The following CCL5 variants were observed in gnomAD, a reference collection of about 807,000 sequenced individuals.
CCL5 encodes C-C motif chemokine ligand 5.
Under a neutral mutation model 9.0 loss-of-function variants are expected in CCL5, and 5 were observed. The observed-to-expected ratio is 0.55, with a 90% CI of 0.29 to 1.16. The LOEUF (loss-of-function observed/expected upper bound fraction) is 1.16. Ranked by LOEUF, CCL5 falls within the 50% of genes most tolerant of loss-of-function variation. The pLI is 0.08. For synonymous variants in CCL5, 66 were observed against 72.0 expected (o/e 0.92, Z 0.42); for missense variants, 183 against 183.2 (o/e 1.00, Z 0.01).
rs1568344719 is a variant in CCL5, at chr17:35,872,336, C to T, written c.399G>A (p.Leu133=). The T allele has an allele frequency of 6.2e-7, 1 of 1,610,414 alleles. No homozygotes were observed. Among genetic ancestry groups the T allele is most frequent in the Non-Finnish European group, 8.5e-7 (1 of 1,177,568 alleles). The change falls in exon 4 of 4, where the codon CTG becomes CTA. Residue 133 remains leucine (L), a synonymous_variant. Transcript: ENST00000651122. The stretch of plus-strand genomic sequence containing the variant: ...AAGCTAGGACAAGAGCAAGCAGAAA[C>T]AGGCAAATTTGTGTAAGTTCAGGTT...
chr17:35,878,677 A>G (rs1420308751), intron 1 of CCL5, 38 bp from the exon 2 acceptor site: 1 of 1,188,626 alleles, frequency 8.4e-7, no homozygotes, highest in Non-Finnish European at 1.2e-6. Context: ...CCTTTTATTC[A>G]TTGCTACTGC....
At chr17:35,880,166 A>T (rs1412615023) in intron 1 of CCL5, 64 bp downstream of exon 1, 2 of 1,294,628 alleles carry the variant, frequency 1.5e-6, no homozygotes, top group African/African-American at 1.5e-5. Flanking sequence ...AGTCATTGGG[A>T]TGGGGTAGGC....
rs758262624 is a variant in CCL5, at chr17:35,878,687, C to A, written c.77-48G>T. The stretch of plus-strand genomic sequence containing the variant: ...GAGACCCTTTTATTCATTGCTACTG[C>A]ACACTTGACATTGTGCTGGACACTT... On this transcript the variant is annotated intron_variant, in intron 1 of 3. Transcript: ENST00000651122. The A allele has an allele frequency of 6.6e-6, 7 of 1,058,274 alleles. No individual in the cohort carries two copies. The South Asian group carries it at 8.3e-5, about 13-fold the overall frequency. The allele number at this position is 1,058,274 out of a possible 1,614,324, so 65.6% of individuals were successfully genotyped here.
At chr17:35,873,332 C>T (rs1016778745) in intron 3 of CCL5, among the ~76,000 whole-genome samples, 3 of 151,998 alleles carry the variant, frequency 2.0e-5, no homozygotes, top group East Asian at 1.9e-4. Flanking sequence ...GGACTATAGG[C>T]GCCCCCCACC....
intron 3 of CCL5, among the ~76,000 whole-genome samples, chr17:35,873,457 GA>G (rs1485370226): frequency 6.6e-6 from 1 of 152,134 alleles, no homozygotes; most frequent in Non-Finnish European, 1.5e-5. Context: ...AAAGTGCTGG[GA>G]TTACAGGCAT....
intron 2 of CCL5, among the ~76,000 whole-genome samples, chr17:35,878,166 C>G (rs1344246810): frequency 6.6e-6 from 1 of 151,562 alleles, no homozygotes; most frequent in South Asian, 2.1e-4. Context: ...ACCTGTAGTC[C>G]CAGCTACTCG....
chr17:35,872,404 C>T lies in CCL5; in HGVS notation c.331G>A (p.Val111Ile), dbSNP rs966329985. ...AGCTCATCTCCAAAGAGTTGATGTACTCCCGAACCCATTTCTTCTCTGGGT... is the reference window on the plus strand; with the variant it reads ...AGCTCATCTCCAAAGAGTTGATGTATTCCCGAACCCATTTCTTCTCTGGGT... Residue 111 changes from valine (V) to isoleucine (I), a missense_variant, in exon 4 of 4, where the codon GTA becomes ATA. Coordinates refer to ENST00000651122, the MANE Select transcript of CCL5 (RefSeq NM_001278736.2). 6.2e-7 allele frequency: 1 copy of T among 1,613,960 alleles called. No individual in the cohort carries two copies. Among genetic ancestry groups the T allele is most frequent in the Admixed American group, 1.7e-5 (1 of 59,998 alleles).
Position 35,878,769 on chromosome 17 carries a change from G to A in CCL5, c.77-130C>T, listed in dbSNP as rs2088476466. ...TCCTTGACAGAAACTGAGGCTCAGA[G>A]AGGTAAAGTCACTTGGCCATGGATA... On this transcript the variant is annotated intron_variant, in intron 1 of 3. Coordinates refer to ENST00000651122, the MANE Select transcript of CCL5 (RefSeq NM_001278736.2). 7.9e-6 allele frequency: 5 copies of A among 629,516 alleles called. No homozygotes were observed. In the South Asian group the frequency reaches 9.9e-5, roughly 12 times the overall value. The allele number at this position is 629,516 out of a possible 1,614,324, so 39.0% of individuals were successfully genotyped here.
Position 35,880,297 on chromosome 17 carries a change from G to T in CCL5, c.9C>A (p.Val3=), listed in dbSNP as rs1309188112. The T allele has an allele frequency of 1.9e-6, 3 of 1,612,164 alleles. No individual in the cohort carries two copies. The Admixed American group carries it at 5.0e-5, about 27-fold the overall frequency. ...GGATGACAGCGAGGGCTGCCGCGGA[G>T]ACCTTCATGGTACCTGTGGGAGAGG... The change falls in exon 1 of 4, where the codon GTC becomes GTA. Residue 3 remains valine, a synonymous_variant. Coordinates refer to ENST00000651122, the MANE Select transcript of CCL5 (RefSeq NM_001278736.2).
chr17:35,877,759 A>G (rs1345643554), intron 2 of CCL5, among the ~76,000 whole-genome samples: 1 of 152,146 alleles, frequency 6.6e-6, no homozygotes, highest in Non-Finnish European at 1.5e-5. Context: ...TCATTTCCTT[A>G]TTTCTTCTCT....
rs2088388475 is a variant in CCL5, at chr17:35,872,768, A to G, written c.271-304T>C. The stretch of plus-strand genomic sequence containing the variant: ...AAGCCCAGGGCTGAGCCTGCCAATC[A>G]CTAGACTTTTCTCAGCACTTCCTCT... On this transcript the variant is annotated intron_variant, in intron 3 of 3. Coordinates refer to ENST00000651122, the MANE Select transcript of CCL5 (RefSeq NM_001278736.2). 2.6e-5 allele frequency among the ~76,000 whole-genome samples: 4 copies of G among 152,202 alleles called. 1 individual carries two copies. The South Asian group carries it at 8.3e-4, about 32-fold the overall frequency.
rs2088370254 is a variant in CCL5 at position 35,871,931 on chromosome 17, T to TG, written c.*338_*339insC. ...TAATTTTTGTATTTTTTTTTTTTTT[T>TG]TTTTTTTTGAGACGGAGTCTCGCTC... On this transcript the variant is annotated 3_prime_UTR_variant, in exon 4 of 4. Transcript: ENST00000651122. The TG allele has an allele frequency of 7.1e-6, 1 of 141,758 alleles. No homozygotes were observed. Among genetic ancestry groups the TG allele is most frequent in the African/African-American group, 2.6e-5 (1 of 38,054 alleles). 8.8% of individuals were successfully genotyped at this position (141,758 alleles called of 1,614,324 possible).
In CCL5 at chr17:35,872,445, G is replaced by A. The variant is rs149913745; in HGVS notation, c.290C>T (p.Pro97Leu). Residue 97 changes from proline to leucine, a missense_variant, in exon 4 of 4, where the codon CCG (proline) becomes CTG (leucine). Transcript: ENST00000651122. ...TTCTCTGGGTTGGCACACACTTGGC[G>A]GTTCTTTCGGGTGACAAAGCTGTGG... The A allele has an allele frequency of 2.7e-5, 43 of 1,613,924 alleles. No homozygotes were observed. The highest frequency in any genetic ancestry group is 3.2e-5 in the Non-Finnish European group (38 of 1,180,012).
chr17:35,872,455 G>C lies in CCL5; in HGVS notation c.280C>G (p.Pro94Ala), dbSNP rs1568345136. ...TGGCACACACTTGGCGGTTCTTTCG[G>C]GTGACAAAGCTGTGGGAGAGGAGAA... The change falls in exon 4 of 4, where the codon CCG becomes GCG. Residue 94 changes from proline to alanine, a missense_variant. By Grantham distance (27) the Pro-to-Ala change is conservative. Transcript: ENST00000651122. 10 of 1,614,022 alleles carry C rather than the reference G, an allele frequency of 6.2e-6. No individual in the cohort carries two copies. The highest frequency in any genetic ancestry group is 7.6e-6 in the Non-Finnish European group (9 of 1,179,990).
At chr17:35,876,864 G>A (rs1435907881) in intron 2 of CCL5, among the ~76,000 whole-genome samples, 1 of 152,070 alleles carries the variant, frequency 6.6e-6, no homozygotes, top group East Asian at 1.9e-4. Context: ...TCTCTCCTCA[G>A]ACAGCACCAT....
At chr17:35,876,224 C>T (rs973367933) in intron 2 of CCL5, among the ~76,000 whole-genome samples, 1 of 152,160 alleles carries the variant, frequency 6.6e-6, no homozygotes, top group Non-Finnish European at 1.5e-5. Flanking sequence ...CAAACTAGCT[C>T]TAGAGCCAGT....
chr17:35,878,684 C>T, intron 1 of CCL5, 45 bp from the exon 2 acceptor site: 2 of 1,113,012 alleles, frequency 1.8e-6, no homozygotes, highest in Non-Finnish European at 2.7e-6. Context: ...TTCATTGCTA[C>T]TGCACACTTG....
Position 35,875,512 on chromosome 17 carries a change from T to C in CCL5, c.270+49A>G, listed in dbSNP as rs931469336. 3.7e-6 allele frequency: 3 copies of C among 817,128 alleles called. No homozygotes were observed. In the African/African-American group the frequency reaches 5.6e-5, roughly 15 times the overall value. The allele number at this position is 817,128 out of a possible 1,614,324, so 50.6% of individuals were successfully genotyped here. On this transcript the variant is annotated intron_variant, in intron 3 of 3. Transcript: ENST00000651122. ...CAATATTCTGGCCTCTCATACTTTCTAGAGTTTGTGTTCTTATTTAGGGTG... is the reference window on the plus strand; with the variant it reads ...CAATATTCTGGCCTCTCATACTTTCCAGAGTTTGTGTTCTTATTTAGGGTG...
At chr17:35,879,363 G>A (rs2088483577) in intron 1 of CCL5, among the ~76,000 whole-genome samples, 1 of 152,098 alleles carries the variant, frequency 6.6e-6, no homozygotes, top group East Asian at 1.9e-4. Context: ...GGCTGGGCAC[G>A]GTGGCTCACG....
Sources: allele counts gnomAD v4.1 joint callset (sites outside exome capture counted in the v4.1 genomes callset), GRCh38; gene constraint gnomAD v4.1.1; transcripts MANE v1.5; gene names NCBI Gene and HGNC (gene_info 2026-07-23, HGNC 2026-07-21).